The following ZNF366 variants were observed in gnomAD, a reference collection of about 807,000 sequenced individuals.
The protein encoded by ZNF366 is zinc finger protein 366.
ZNF366 carries 20 observed loss-of-function variants against 47.2 expected under a neutral mutation model. That is an observed-to-expected ratio of 0.42 (90% confidence interval 0.30 to 0.62). The LOEUF is 0.62. Ranked by LOEUF, ZNF366 falls within the 20% of genes least tolerant of loss-of-function variation. ZNF366 has a pLI of 0.16. For synonymous variants in ZNF366, 421 were observed against 395.1 expected (o/e 1.07, Z -0.78); for missense variants, 987 against 976.3 (o/e 1.01, Z -0.15).
intron 1 of ZNF366, among the ~76,000 whole-genome samples, 157 bp downstream of exon 1, chr5:72,507,094 C>CA (rs1275564521): frequency 2.0e-5 from 3 of 151,842 alleles, no homozygotes; most frequent in East Asian, 1.9e-4. Flanking sequence ...ATTCTCTTAC[C>CA]AAAAAAAAGT....
At chr5:72,481,005 C>A (rs183135340) in intron 1 of ZNF366, among the ~76,000 whole-genome samples, 6 of 152,062 alleles carry the variant, frequency 3.9e-5, no homozygotes, top group African/African-American at 2.4e-5. Flanking sequence ...AGAAAGAGTG[C>A]GGGAAATATT....
intron 1 of ZNF366, among the ~76,000 whole-genome samples, chr5:72,462,743 G>T (rs929128707): frequency 1.1e-4 from 16 of 151,894 alleles, no homozygotes; most frequent in African/African-American, 3.9e-4. Context: ...TAGAGACGGG[G>T]TTTCACCATG....
intron 1 of ZNF366, among the ~76,000 whole-genome samples, chr5:72,470,561 A>G (rs925338300): frequency 2.6e-5 from 4 of 152,188 alleles, no homozygotes; most frequent in Non-Finnish European, 5.9e-5. Context: ...TGGATGTCCT[A>G]TATTTCTAAC....
At chr5:72,481,901 A>C (rs926019408) in intron 1 of ZNF366, among the ~76,000 whole-genome samples, 5 of 152,204 alleles carry the variant, frequency 3.3e-5, no homozygotes, top group African/African-American at 1.2e-4. Context: ...TGTTTAGTGC[A>C]TGGGAAAGGG....
intron 3 of ZNF366, among the ~76,000 whole-genome samples, chr5:72,449,409 T>G (rs1321061816): frequency 6.6e-6 from 1 of 152,180 alleles, no homozygotes; most frequent in African/African-American, 2.4e-5. Context: ...AATTTTTGTA[T>G]TTTTAGTAGA....
Position 72,460,929 on chromosome 5 carries a change from CGAA to C in ZNF366, c.565_567del (p.Phe189del). ...AAGGGGAAGGGCGAGGACGAGGGCA[CGAA>C]GAAGGGGAACATGAGGCCCGGGTGG... On this transcript the variant is annotated inframe_deletion, in exon 2 of 5. Transcript: ENST00000318442. 6.2e-7 allele frequency: 1 copy of C among 1,611,236 alleles called. No individual in the cohort carries two copies. Among genetic ancestry groups the C allele is most frequent in the Non-Finnish European group, 8.5e-7 (1 of 1,178,116 alleles).
chr5:72,481,386 G>A (rs1020802212), intron 1 of ZNF366, among the ~76,000 whole-genome samples: 3 of 151,510 alleles, frequency 2.0e-5, no homozygotes, highest in African/African-American at 4.8e-5. Flanking sequence ...ATTTTGGTCC[G>A]TTTCTTTCAA....
chr5:72,487,240 T>C (rs1743908913), intron 1 of ZNF366, among the ~76,000 whole-genome samples: 1 of 152,182 alleles, frequency 6.6e-6, no homozygotes, highest in Non-Finnish European at 1.5e-5. Flanking sequence ...GAAATTGAGC[T>C]CTCTGTCTTC....
At position 72,461,071 on chromosome 5, in the gene ZNF366, C is replaced by G. The variant is rs576042398; in HGVS notation, c.426G>C (p.Leu142=). ...TGACGGGCTTGCCCCCAAAGTGTTC[C>G]AGGCTGCGGTAGAATTGGAAGCCCA... ...CNVGFQFYRS[L]EHFGGKPVKQ... The change falls in exon 2 of 5, where the codon CTG becomes CTC. Residue 142 remains leucine (L), a synonymous_variant. Coordinates refer to ENST00000318442, the MANE Select transcript of ZNF366 (RefSeq NM_152625.3). The G allele has an allele frequency of 2.6e-5, 42 of 1,614,126 alleles. No individual in the cohort carries two copies. The highest frequency in any genetic ancestry group is 3.5e-5 in the Non-Finnish European group (41 of 1,180,032).
chr5:72,494,605 A>ATT (rs57920640), intron 1 of ZNF366, among the ~76,000 whole-genome samples: 22 of 137,328 alleles, frequency 1.6e-4, no homozygotes, highest in African/African-American at 4.8e-4. Flanking sequence ...GCTGTCAGAG[A>ATT]TTTTTTTTTT....
At chr5:72,481,480 A>G (rs983709341) in intron 1 of ZNF366, among the ~76,000 whole-genome samples, 1 of 152,218 alleles carries the variant, frequency 6.6e-6, no homozygotes, top group East Asian at 1.9e-4. Context: ...GCACTGCGGT[A>G]GACAACTTTG....
At chr5:72,466,007 A>T (rs891515601) in intron 1 of ZNF366, among the ~76,000 whole-genome samples, 3 of 152,212 alleles carry the variant, frequency 2.0e-5, no homozygotes, top group African/African-American at 4.8e-5. Flanking sequence ...GGAGTGAGAA[A>T]GAGTGGACAG....
At position 72,450,388 on chromosome 5, in the gene ZNF366, A is replaced by G. The variant is rs1743042364; in HGVS notation, c.1525-2971T>C. ...CCTGGTAAAATGGTGTCTGGGCTCT[A>G]AACAGCATCCCAGGGAGTCTCCAAT... On this transcript the variant is annotated intron_variant, in intron 3 of 4. Coordinates refer to ENST00000318442, the MANE Select transcript of ZNF366 (RefSeq NM_152625.3). Among the ~76,000 whole-genome samples the G allele has an allele frequency of 2.6e-5, 4 of 152,146 alleles. No individual in the cohort carries two copies. The South Asian group carries it at 8.3e-4, about 31-fold the overall frequency.
intron 1 of ZNF366, among the ~76,000 whole-genome samples, chr5:72,480,210 G>T (rs2112343222): frequency 6.6e-6 from 1 of 152,198 alleles, no homozygotes; most frequent in East Asian, 1.9e-4. Flanking sequence ...AATAAGAATT[G>T]TGTGACAAAT....
intron 3 of ZNF366, among the ~76,000 whole-genome samples, chr5:72,448,112 A>G (rs1476169438): frequency 6.6e-6 from 1 of 152,220 alleles, no homozygotes; most frequent in Non-Finnish European, 1.5e-5. Context: ...ATTGTATACA[A>G]TGTATCAGAC....
intron 1 of ZNF366, among the ~76,000 whole-genome samples, chr5:72,490,898 C>A (rs779971388): frequency 2.6e-5 from 4 of 152,154 alleles, no homozygotes; most frequent in African/African-American, 9.7e-5. Flanking sequence ...CAAAGAACCC[C>A]AGCAGTGGTA....
rs763654568 is a variant in ZNF366, at chr5:72,444,272, G to C, written c.1719C>G (p.Ile573Met). 2 of 1,611,328 alleles carry C rather than the reference G, an allele frequency of 1.2e-6. No individual in the cohort carries two copies. The highest frequency in any genetic ancestry group is 2.7e-5 in the African/African-American group (2 of 74,902). ...GGACACCGGCTGTCTGTGCCAGGGC[G>C]ATTCTCCCCCTTCCCAGACCTGCAA... is the stretch of plus-strand genomic sequence containing the variant. ...LHSQGLGRGR[I>M]ALAQTAGVLR... The change falls in exon 5 of 5, where the codon ATC becomes ATG. Residue 573 changes from isoleucine (I) to methionine (M), a missense_variant. By Grantham distance (10) the Ile-to-Met change is conservative. Coordinates refer to ENST00000318442, the MANE Select transcript of ZNF366 (RefSeq NM_152625.3).
chr5:72,493,918 CTTTTTTTTTTTT>C (rs70999281), intron 1 of ZNF366, among the ~76,000 whole-genome samples: 8 of 62,514 alleles, frequency 1.3e-4, no homozygotes, highest in Admixed American at 4.9e-4. Flanking sequence ...CCATGCCCAG[CTTTTTTTTTTTT>C]TTTTTTTTTT....
At chr5:72,451,255 A>T (rs917242624) in intron 3 of ZNF366, among the ~76,000 whole-genome samples, 7 of 152,264 alleles carry the variant, frequency 4.6e-5, no homozygotes, top group African/African-American at 7.2e-5. Flanking sequence ...CACTCCAAGG[A>T]ACACCGTCAG....
Sources: gnomAD v4.1 joint callset for allele counts (sites outside exome capture counted in the v4.1 genomes callset) on GRCh38, gnomAD v4.1.1 for gene constraint, MANE v1.5 for transcripts, NCBI Gene and HGNC (gene_info 2026-07-23, HGNC 2026-07-21) for gene names.